SCAI: variants seen among roughly 807,000 people sequenced by gnomAD.
SCAI encodes protein SCAI.
SCAI carries 24 observed loss-of-function variants against 92.2 expected under a neutral mutation model. The ratio of observed to expected loss-of-function variants is 0.26; its 90% confidence interval spans 0.19 to 0.37. The LOEUF (loss-of-function observed/expected upper bound fraction) is 0.37. SCAI is among the 10% of genes least tolerant of loss of function. SCAI has a pLI of 1.00. For synonymous variants in SCAI, 261 were observed against 258.6 expected, an observed-to-expected ratio of 1.01 and a Z score of -0.09; for missense variants, 450 against 736.2, an observed-to-expected ratio of 0.61 and a Z score of 4.50.
At chr9:125,124,994 G>A (rs917486938) in intron 2 of SCAI, among the ~76,000 whole-genome samples, 19 of 152,318 alleles carry the variant, frequency 1.2e-4, no homozygotes, top group African/African-American at 4.6e-4. Context: ...GCCAAGGTGG[G>A]CAGATCACCT....
intron 6 of SCAI, among the ~76,000 whole-genome samples, chr9:125,025,351 T>C (rs1832947756): frequency 6.6e-6 from 1 of 152,268 alleles, no homozygotes; most frequent in Non-Finnish European, 1.5e-5. Flanking sequence ...ATGTTTGTTA[T>C]TAAGGCATAA....
chr9:125,100,437 C>T (rs965513755), intron 2 of SCAI, among the ~76,000 whole-genome samples: 2 of 152,086 alleles, frequency 1.3e-5, no homozygotes, highest in African/African-American at 4.8e-5. Context: ...TAATGACATG[C>T]CTAAGATCAC....
At chr9:125,042,852 C>T (rs72765258) in intron 3 of SCAI, among the ~76,000 whole-genome samples, 23,249 of 141,160 alleles carry the variant, frequency 0.16, 2,160 homozygotes, top group East Asian at 0.23. Flanking sequence ...ACATTCTGCT[C>T]CCTGGCTTTT....
In SCAI at chr9:125,005,723, T is replaced by C. The variant is rs916491872; in HGVS notation, c.862-2153A>G. On this transcript the variant is annotated intron_variant, in intron 9 of 17. Coordinates refer to ENST00000336505, the MANE Select transcript of SCAI (RefSeq NM_001144877.3). ...TGTAGTAAGGGTAGCATGGGCCTCC[T>C]GGCTAAGAACTGGTTGGTTGGTTGG... 3.3e-5 allele frequency among the ~76,000 whole-genome samples: 5 copies of C among 152,316 alleles called. No individual in the cohort carries two copies. The South Asian group carries it at 8.3e-4, about 25-fold the overall frequency.
intron 2 of SCAI, among the ~76,000 whole-genome samples, chr9:125,097,038 T>A (rs1360715161): frequency 6.6e-6 from 1 of 152,164 alleles, no homozygotes; most frequent in African/African-American, 2.4e-5. Flanking sequence ...CTTCTTTGAT[T>A]CACTCCTATC....
intron 9 of SCAI, among the ~76,000 whole-genome samples, chr9:125,008,730 C>A (rs1399166834): frequency 2.0e-5 from 3 of 152,052 alleles, no homozygotes; most frequent in Non-Finnish European, 2.9e-5. Flanking sequence ...AACGGGTCTA[C>A]AAACATGTAA....
At chr9:125,017,384 G>C (rs1832781688) in intron 9 of SCAI, among the ~76,000 whole-genome samples, 1 of 151,916 alleles carries the variant, frequency 6.6e-6, no homozygotes, top group African/African-American at 2.4e-5. Flanking sequence ...CGAGCCTTAA[G>C]ATAGTATAAC....
Position 125,019,211 on chromosome 9 carries a change from T to G in SCAI, c.610-6A>C, listed in dbSNP as rs556664374. 6.1e-6 allele frequency: 9 copies of G among 1,471,116 alleles called. No homozygotes were observed. The South Asian group carries it at 9.6e-5, about 16-fold the overall frequency. 91.1% of individuals were successfully genotyped at this position (1,471,116 alleles called of 1,614,324 possible). Reference sequence around the variant, plus strand: ...TCAATTTCATCTGACAATTCCTGATTTTAAAAACATCACAAAAAAGGTTAT... The same window carrying G: ...TCAATTTCATCTGACAATTCCTGATGTTAAAAACATCACAAAAAAGGTTAT... On this transcript the variant is annotated splice_polypyrimidine_tract_variant and splice_region_variant and intron_variant, in intron 7 of 17. Transcript: ENST00000336505.
At chr9:124,961,649 CAAAAAA>C (rs34369784) in intron 17 of SCAI, among the ~76,000 whole-genome samples, 1 of 119,880 alleles carries the variant, frequency 8.3e-6, no homozygotes, top group African/African-American at 3.2e-5. Context: ...GACTCCATCT[CAAAAAA>C]AAAAAAAAAA....
intron 2 of SCAI, among the ~76,000 whole-genome samples, chr9:125,123,472 G>A (rs185036625): frequency 3.6e-4 from 54 of 151,772 alleles, no homozygotes; most frequent in Non-Finnish European, 6.3e-4. Context: ...ATTATCCTAA[G>A]AGTTTAAAAG....
intron 2 of SCAI, among the ~76,000 whole-genome samples, chr9:125,132,565 G>T (rs530561533): frequency 6.6e-6 from 1 of 152,004 alleles, no homozygotes; most frequent in Non-Finnish European, 1.5e-5. Context: ...ATTTTTAACC[G>T]CCTGGTTAAA....
chr9:125,125,898 G>A (rs980063377), intron 2 of SCAI, among the ~76,000 whole-genome samples: 4 of 120,348 alleles, frequency 3.3e-5, no homozygotes, highest in African/African-American at 9.9e-5. Flanking sequence ...TCATGCATGC[G>A]TGCGTACACG....
At chr9:125,002,469 T>G (rs1429345686) in intron 11 of SCAI, among the ~76,000 whole-genome samples, 1 of 144,926 alleles carries the variant, frequency 6.9e-6, no homozygotes, top group African/African-American at 2.6e-5. Flanking sequence ...CTAGACACTC[T>G]GCTTTTGTTT....
Position 124,991,351 on chromosome 9 carries a change from C to CAAA in SCAI, c.1326+3580_1326+3582dup, listed in dbSNP as rs34976572. Among the ~76,000 whole-genome samples, 31 of 40,244 alleles carry CAAA rather than the reference C, an allele frequency of 7.7e-4. 4 individuals carry two copies. Among genetic ancestry groups the CAAA allele is most frequent in the African/African-American group, 3.4e-3 (26 of 7,562 alleles). The allele number at this position is 40,244 out of a possible 152,430, so 26.4% of individuals were successfully genotyped here. A position where few individuals can be genotyped will look rare whatever the true frequency, so the allele number is the denominator to read the frequency against. On this transcript the variant is annotated intron_variant, in intron 14 of 17. Coordinates refer to ENST00000336505, the MANE Select transcript of SCAI (RefSeq NM_001144877.3). ...TGGGTGACAGAGCAAAACTCCGTCT[C>CAAA]AAAAAAAAAAAAAAAAAAAAAAAAA... is the stretch of plus-strand genomic sequence containing the variant.
chr9:125,058,444 G>A (rs1346427995), intron 2 of SCAI, among the ~76,000 whole-genome samples: 1 of 152,216 alleles, frequency 6.6e-6, no homozygotes, highest in Non-Finnish European at 1.5e-5. Context: ...GAACCCGGGA[G>A]GCGGAGGTTG....
intron 2 of SCAI, among the ~76,000 whole-genome samples, chr9:125,080,857 G>A (rs757606835): frequency 3.3e-5 from 5 of 152,182 alleles, no homozygotes; most frequent in African/African-American, 7.2e-5. Flanking sequence ...GAATTCCCAC[G>A]TGTTGTGGGA....
At position 124,980,049 on chromosome 9, in the gene SCAI, C is replaced by CAAA. The variant is rs34760799; in HGVS notation, c.1327-3866_1327-3864dup. Among the ~76,000 whole-genome samples the CAAA allele has an allele frequency of 2.7e-3, 219 of 80,980 alleles. 2 individuals are homozygous for CAAA. Among genetic ancestry groups the CAAA allele is most frequent in the African/African-American group, 0.01 (207 of 20,198 alleles). 53.1% of individuals were successfully genotyped at this position (80,980 alleles called of 152,430 possible). A position where few individuals can be genotyped will look rare whatever the true frequency, so the allele number is the denominator to read the frequency against. On this transcript the variant is annotated intron_variant, in intron 14 of 17. Coordinates refer to ENST00000336505, the MANE Select transcript of SCAI (RefSeq NM_001144877.3). ...TGGGTGACAGAGCAAGACTCCGTCTCAAAAAAAAAAAAAAAAAATTAAGCA... is the reference window on the plus strand; with the variant it reads ...TGGGTGACAGAGCAAGACTCCGTCTCAAAAAAAAAAAAAAAAAAAAATTAAGCA...
At chr9:125,102,777 C>A (rs1384695392) in intron 2 of SCAI, among the ~76,000 whole-genome samples, 2 of 151,988 alleles carry the variant, frequency 1.3e-5, no homozygotes, top group Non-Finnish European at 2.9e-5. Flanking sequence ...TTTGTATTTT[C>A]AGTAGAGGCG....
chr9:125,077,504 A>C (rs1329585153), intron 2 of SCAI, among the ~76,000 whole-genome samples: 1 of 152,160 alleles, frequency 6.6e-6, no homozygotes, highest in Non-Finnish European at 1.5e-5. Context: ...ACTCTATATT[A>C]ACCCTGTTAG....
Sources: gnomAD v4.1 joint callset for allele counts (sites outside exome capture counted in the v4.1 genomes callset) on GRCh38, gnomAD v4.1.1 for gene constraint, MANE v1.5 for transcripts, NCBI Gene and HGNC (gene_info 2026-07-23, HGNC 2026-07-21) for gene names.